STOX2: variants seen among roughly 807,000 people sequenced by gnomAD.
The protein encoded by STOX2 is storkhead box 2.
STOX2 carries 28 observed loss-of-function variants against 60.9 expected under a neutral mutation model. That is an observed-to-expected ratio of 0.46 (90% CI 0.34 to 0.63). The LOEUF (loss-of-function observed/expected upper bound fraction) is 0.63, where lower values mean the gene tolerates loss of function less well. STOX2 is among the 30% of genes least tolerant of loss of function. The pLI, the probability that STOX2 is intolerant of heterozygous loss-of-function variation, is 0.01. For missense variants in STOX2, 1,024 were observed against 1,187.7 expected (o/e 0.86, Z 2.03); for synonymous variants, 472 against 463.9 (o/e 1.02, Z -0.22).
At chr4:183,941,802 G>A (rs957454791) in intron 1 of STOX2, among the ~76,000 whole-genome samples, 17 of 152,254 alleles carry the variant, frequency 1.1e-4, no homozygotes, top group Non-Finnish European at 1.6e-4. Flanking sequence ...CAGAGATGAC[G>A]TATAAATCAA....
At chr4:183,872,854 C>G (rs1178770724) in intron 1 of STOX2, among the ~76,000 whole-genome samples, 1 of 152,012 alleles carries the variant, frequency 6.6e-6, no homozygotes, top group African/African-American at 2.4e-5. Flanking sequence ...GAATTCAGAT[C>G]TGCTCTATGA....
intron 1 of STOX2, among the ~76,000 whole-genome samples, chr4:183,880,125 T>C (rs6552715): frequency 0.52 from 78,372 of 151,834 alleles, 20,821 homozygotes; most frequent in East Asian, 0.6. Context: ...ACTACAGGCA[T>C]GCACCACCAT....
chr4:183,903,842 G>A (rs1264290258), upstream of STOX2, among the ~76,000 whole-genome samples: 1 of 152,212 alleles, frequency 6.6e-6, no homozygotes, highest in East Asian at 1.9e-4. Flanking sequence ...TCCTTGGACT[G>A]GGGTGGGGGT....
chr4:183,906,981 C>T, intron 1 of STOX2, 25 bp downstream of exon 1: 1 of 1,506,404 alleles, frequency 6.6e-7, no homozygotes, highest in Non-Finnish European at 8.9e-7. Flanking sequence ...GCGTTTCTGC[C>T]CCCGGGCCGG....
chr4:183,916,490 G>C (rs1741934795), intron 1 of STOX2, among the ~76,000 whole-genome samples: 1 of 152,098 alleles, frequency 6.6e-6, no homozygotes, highest in Non-Finnish European at 1.5e-5. Flanking sequence ...AATAATAATG[G>C]TACCTACCCC....
At position 183,869,136 on chromosome 4, in the gene STOX2, A is replaced by G. The variant is rs373380049; in HGVS notation, c.364+71081A>G. On this transcript the variant is annotated intron_variant, in intron 1 of 2. Coordinates refer to the STOX2 transcript ENST00000513034. ...GATAGTGAAATTAAAACTTCCCAGT[A>G]TGGTATGATGTAGACTCTTTTTAGT... Among the ~76,000 whole-genome samples the G allele has an allele frequency of 6.6e-5, 10 of 152,340 alleles. No individual in the cohort carries two copies. In the South Asian group the frequency reaches 2.1e-3, roughly 32 times the overall value.
chr4:183,889,265 A>G (rs1741153676), intron 1 of STOX2, among the ~76,000 whole-genome samples: 1 of 152,014 alleles, frequency 6.6e-6, no homozygotes, highest in Non-Finnish European at 1.5e-5. Context: ...CTCATCCAGC[A>G]TGACTGGTGT....
chr4:183,830,560 T>C (rs1739543014), intron 1 of STOX2, among the ~76,000 whole-genome samples: 1 of 152,164 alleles, frequency 6.6e-6, no homozygotes, highest in South Asian at 2.1e-4. Flanking sequence ...CCTTTGACCC[T>C]GCCCTTTTGA....
At position 184,021,421 on chromosome 4, in the gene STOX2, T is replaced by C. The variant is rs1734587627; in HGVS notation, c.*4137T>C. 1 of 147,472 alleles carries C rather than the reference T, an allele frequency of 6.8e-6. No homozygotes were observed. Among genetic ancestry groups the C allele is most frequent in the Admixed American group, 6.9e-5 (1 of 14,428 alleles). The allele number at this position is 147,472 out of a possible 1,614,324, so 9.1% of individuals were successfully genotyped here. On this transcript the variant is annotated 3_prime_UTR_variant, in exon 4 of 4. Transcript: ENST00000308497. ...TAAAGTCAAAGAAAACAAATACATC[T>C]TGACACTTTTGTCCATTTTCATTAA...
At chr4:184,008,627 C>A (rs962653664) in intron 2 of STOX2, among the ~76,000 whole-genome samples, 1 of 152,096 alleles carries the variant, frequency 6.6e-6, no homozygotes, top group Non-Finnish European at 1.5e-5. Context: ...GTCTAGTTGC[C>A]CTTTTATATC....
intron 1 of STOX2, among the ~76,000 whole-genome samples, chr4:183,858,430 G>A (rs528572100): frequency 3.3e-5 from 5 of 152,310 alleles, no homozygotes; most frequent in Admixed American, 1.3e-4. Flanking sequence ...CTCTGCTTCC[G>A]ACTTTCCATT....
At chr4:183,918,794 G>A (rs183877825) in intron 1 of STOX2, among the ~76,000 whole-genome samples, 22 of 152,296 alleles carry the variant, frequency 1.4e-4, no homozygotes, top group Admixed American at 1.4e-3. Context: ...CAGCTGCTAC[G>A]AGCAGACGGT....
chr4:183,990,813 T>C (rs1370249648), intron 1 of STOX2, among the ~76,000 whole-genome samples: 11 of 151,988 alleles, frequency 7.2e-5, no homozygotes, highest in Non-Finnish European at 1.6e-4. Flanking sequence ...CAAATGAGCA[T>C]GTGGACATTG....
chr4:183,951,190 G>A (rs1006236864), intron 1 of STOX2, among the ~76,000 whole-genome samples: 2 of 150,216 alleles, frequency 1.3e-5, no homozygotes, highest in Admixed American at 6.6e-5. Flanking sequence ...ACTCCAGCCT[G>A]GGCGACAGAG....
At position 184,011,111 on chromosome 4, in the gene STOX2, A is replaced by G. The variant is rs1288630906; in HGVS notation, c.2273A>G (p.Gln758Arg). 1 of 1,588,158 alleles carries G rather than the reference A, an allele frequency of 6.3e-7. No homozygotes were observed. Among genetic ancestry groups the G allele is most frequent in the Non-Finnish European group, 8.6e-7 (1 of 1,168,788 alleles). Residue 758 changes from glutamine to arginine, a missense_variant, in exon 3 of 4, where the codon CAG becomes CGG. By Grantham distance (43) the Gln-to-Arg change is conservative. Coordinates refer to ENST00000308497, the MANE Select transcript of STOX2 (RefSeq NM_020225.3). The surrounding 1 kb of genome is among the most constrained non-coding windows in gnomAD (Gnocchi z 4.4). ...TSAAQAMPAS[Q>R]RQQESGGNQE... ...GCGGCACAAGCCATGCCTGCTTCCC[A>G]GCGTCAGCAGGAGTCAGGAGGGAAC...
intron 1 of STOX2, among the ~76,000 whole-genome samples, chr4:183,887,114 A>AG (rs1304726879): frequency 6.6e-6 from 1 of 152,086 alleles, no homozygotes; most frequent in Non-Finnish European, 1.5e-5. Context: ...CAAAAAAAAA[A>AG]TTAGTCTGGC....
chr4:183,927,558 C>T (rs948948315), intron 1 of STOX2, among the ~76,000 whole-genome samples: 1 of 151,802 alleles, frequency 6.6e-6, no homozygotes, highest in Non-Finnish European at 1.5e-5. Flanking sequence ...TTACAATCTC[C>T]CCTGACCTAT....
intron 1 of STOX2, among the ~76,000 whole-genome samples, chr4:183,929,365 C>T (rs141256064): frequency 5.4e-4 from 82 of 152,216 alleles, no homozygotes; most frequent in African/African-American, 1.8e-3. Flanking sequence ...TTTAGATAAA[C>T]GCGTTAGGAA....
chr4:183,873,445 T>TC (rs1553969671), intron 1 of STOX2, among the ~76,000 whole-genome samples: 6 of 64,400 alleles, frequency 9.3e-5, no homozygotes, highest in South Asian at 5.5e-4. Context: ...AAACTCTGTC[T>TC]CAAAAAAAAA....
Sources: allele counts gnomAD v4.1 joint callset (sites outside exome capture counted in the v4.1 genomes callset), GRCh38; gene constraint gnomAD v4.1.1; non-coding constraint Gnocchi (gnomAD v3.1); transcripts MANE v1.5; gene names NCBI Gene and HGNC (gene_info 2026-07-23, HGNC 2026-07-21).